Variants in CNTNAP2 observed in about 807,000 individuals in gnomAD.
CNTNAP2 encodes the protein contactin-associated protein-like 2.
CNTNAP2 carries 98 observed loss-of-function variants against 155.2 expected under a neutral mutation model. That is an observed-to-expected ratio of 0.63 (90% CI 0.54 to 0.75). The LOEUF is 0.75. CNTNAP2 is among the 30% of genes least tolerant of loss of function. CNTNAP2 has a pLI of 0.00. For synonymous variants in CNTNAP2, 651 were observed against 631.2 expected (o/e 1.03, Z -0.47); for missense variants, 1,727 against 1,688.1 (o/e 1.02, Z -0.40).
chr7:147,359,318 A>G (rs1014925210), intron 9 of CNTNAP2, among the ~76,000 whole-genome samples: 1 of 152,152 alleles, frequency 6.6e-6, no homozygotes, highest in Non-Finnish European at 1.5e-5. Flanking sequence ...AAAATCTGCT[A>G]CCTGCTGTCC....
chr7:147,286,328 C>A (rs1345262624), intron 8 of CNTNAP2, among the ~76,000 whole-genome samples: 4 of 151,818 alleles, frequency 2.6e-5, no homozygotes, highest in Non-Finnish European at 5.9e-5. Flanking sequence ...AACTTATATT[C>A]CTAAAATGAT....
intron 3 of CNTNAP2, among the ~76,000 whole-genome samples, chr7:147,028,604 G>A (rs1383506082): frequency 6.6e-6 from 1 of 152,170 alleles, no homozygotes; most frequent in African/African-American, 2.4e-5. Context: ...TGTAGAAGAA[G>A]GCCAGTTGGG....
At chr7:146,250,833 G>T (rs1799744677) in intron 1 of CNTNAP2, among the ~76,000 whole-genome samples, 2 of 152,066 alleles carry the variant, frequency 1.3e-5, no homozygotes, top group Admixed American at 1.3e-4. Flanking sequence ...GATTGAGGAG[G>T]ATAGCATTTA....
At chr7:146,751,272 TTTAA>T (rs34247775) in intron 1 of CNTNAP2, among the ~76,000 whole-genome samples, 8,888 of 152,230 alleles carry the variant, frequency 0.058, 337 homozygotes, top group Non-Finnish European at 0.078. Context: ...AGCATACAAA[TTTAA>T]TTAAAGTATT....
At chr7:146,710,754 C>A (rs1055967917) in intron 1 of CNTNAP2, among the ~76,000 whole-genome samples, 3 of 152,008 alleles carry the variant, frequency 2.0e-5, no homozygotes, top group Admixed American at 1.3e-4. Flanking sequence ...TGCTTCTTAT[C>A]CTCATTAGAG....
chr7:147,342,959 C>T (rs1317682404), intron 9 of CNTNAP2, among the ~76,000 whole-genome samples: 5 of 151,832 alleles, frequency 3.3e-5, no homozygotes, highest in South Asian at 2.1e-4. Flanking sequence ...ACTTTTTTCA[C>T]GGGTCATAAA....
intron 12 of CNTNAP2, among the ~76,000 whole-genome samples, chr7:147,575,311 G>GTA (rs1250459091): frequency 1.1e-4 from 8 of 75,344 alleles, no homozygotes; most frequent in South Asian, 4.0e-4. Context: ...AGCTTTAGGG[G>GTA]TATATATATG....
At chr7:146,732,776 T>C (rs1288816434) in intron 1 of CNTNAP2, among the ~76,000 whole-genome samples, 1 of 152,146 alleles carries the variant, frequency 6.6e-6, no homozygotes, top group Non-Finnish European at 1.5e-5. Context: ...TTCTATAACC[T>C]GCACACATCT....
intron 1 of CNTNAP2, among the ~76,000 whole-genome samples, chr7:146,148,130 A>G (rs1432717261): frequency 2.0e-5 from 3 of 152,144 alleles, no homozygotes; most frequent in Non-Finnish European, 2.9e-5. Flanking sequence ...GATGAGCATC[A>G]CAATGATGTT....
intron 15 of CNTNAP2, among the ~76,000 whole-genome samples, chr7:148,116,235 G>T (rs528199525): frequency 1.3e-4 from 20 of 152,058 alleles, no homozygotes; most frequent in African/African-American, 4.8e-4. Context: ...AACATATTTT[G>T]CACTAGTTCC....
chr7:147,733,396 A>C (rs1199755522), intron 13 of CNTNAP2, among the ~76,000 whole-genome samples: 1 of 152,210 alleles, frequency 6.6e-6, no homozygotes, highest in Admixed American at 6.5e-5. Context: ...TTTTGGTACC[A>C]GTACCATGCT....
intron 9 of CNTNAP2, among the ~76,000 whole-genome samples, chr7:147,314,426 A>T (rs111539670): frequency 0.02 from 2,833 of 142,092 alleles, 115 homozygotes; most frequent in African/African-American, 0.065. Flanking sequence ...AAATACAATT[A>T]GTGCCAAAGT....
In CNTNAP2 at chr7:147,591,704, T is replaced by C. The variant is rs540964764; in HGVS notation, c.1897+29447T>C. On this transcript the variant is annotated intron_variant, in intron 12 of 23. Transcript: ENST00000361727. The stretch of plus-strand genomic sequence containing the variant: ...GTCCTACAAAAATAAAAATGTGATC[T>C]TATTTTATTCTGCTTGAATCTTTGA... Among the ~76,000 whole-genome samples, 37 of 152,324 alleles carry C rather than the reference T, an allele frequency of 2.4e-4. 1 individual carries two copies. Among genetic ancestry groups the C allele is most frequent in the Middle Eastern group, 6.8e-3 (2 of 294 alleles).
chr7:148,170,093 A>G (rs1805751476), intron 17 of CNTNAP2, among the ~76,000 whole-genome samples: 1 of 152,228 alleles, frequency 6.6e-6, no homozygotes, highest in Non-Finnish European at 1.5e-5. Context: ...TGTTCCCTAA[A>G]AGTGAAAGTA....
chr7:146,841,131 C>T (rs1416529913), intron 3 of CNTNAP2, among the ~76,000 whole-genome samples: 1 of 152,238 alleles, frequency 6.6e-6, no homozygotes, highest in East Asian at 1.9e-4. Flanking sequence ...TGTCCCAACC[C>T]CAGAGACTTG....
Position 148,147,508 on chromosome 7 carries a change from T to C in CNTNAP2, c.2572T>C (p.Phe858Leu), listed in dbSNP as rs1333842953. The stretch of plus-strand genomic sequence containing the variant: ...TCCTCCAGCTGCCACAGAAGTGTCC[T>C]TTTCATTTGATGTGGGAAATGGGCC... ...LELKSATEVSFSFDVGNGPVE... is the reference protein window; with the variant it reads ...LELKSATEVSLSFDVGNGPVE... The change falls in exon 17 of 24, where the codon TTT (phenylalanine) becomes CTT (leucine). Residue 858 changes from phenylalanine to leucine, a missense_variant. Phe to Leu is a conservative substitution (Grantham distance 22). Coordinates refer to ENST00000361727, the MANE Select transcript of CNTNAP2 (RefSeq NM_014141.6). 7 of 1,614,146 alleles carry C rather than the reference T, an allele frequency of 4.3e-6. No homozygotes were observed. The highest frequency in any genetic ancestry group is 5.9e-6 in the Non-Finnish European group (7 of 1,180,018).
chr7:146,988,881 T>C (rs1416874888), intron 3 of CNTNAP2, among the ~76,000 whole-genome samples: 1 of 152,202 alleles, frequency 6.6e-6, no homozygotes, highest in Admixed American at 6.6e-5. Context: ...CATCTGCATC[T>C]GTTGTGAACT....
At chr7:147,809,831 A>G (rs1798152292) in intron 13 of CNTNAP2, among the ~76,000 whole-genome samples, 1 of 152,226 alleles carries the variant, frequency 6.6e-6, no homozygotes, top group Non-Finnish European at 1.5e-5. Flanking sequence ...CTTGAAACGT[A>G]TGTTAGAATG....
At chr7:147,561,182 T>C (rs1485376848) in intron 11 of CNTNAP2, among the ~76,000 whole-genome samples, 3 of 152,188 alleles carry the variant, frequency 2.0e-5, no homozygotes, top group African/African-American at 7.2e-5. Flanking sequence ...TTGTAATTTA[T>C]TTTGTACTAT....
Sources: allele counts gnomAD v4.1 joint callset (sites outside exome capture counted in the v4.1 genomes callset), GRCh38; gene constraint gnomAD v4.1.1; transcripts MANE v1.5; gene names NCBI Gene and HGNC (gene_info 2026-07-23, HGNC 2026-07-21).